Variants in DOT1L observed in about 807,000 individuals in gnomAD.
DOT1L encodes the protein histone-lysine N-methyltransferase, H3 lysine-79 specific.
Under a neutral mutation model 153.3 loss-of-function variants are expected in DOT1L, and 33 were observed. That is an observed-to-expected ratio of 0.22 (90% confidence interval 0.16 to 0.29). DOT1L has a LOEUF of 0.29. Among genes scored for constraint, DOT1L ranks in the 10% least tolerant of loss-of-function variants. The pLI is 1.00. For synonymous variants in DOT1L, 1,135 were observed against 965.1 expected (o/e 1.18, Z -3.26); for missense variants, 1,847 against 2,119.9 (o/e 0.87, Z 2.53).
At position 2,208,911 on chromosome 19, in the gene DOT1L, C is replaced by T; in HGVS notation, c.964-24C>T. The T allele has an allele frequency of 6.2e-7, 1 of 1,610,758 alleles. No individual in the cohort carries two copies. The highest frequency in any genetic ancestry group is 8.5e-7 in the Non-Finnish European group (1 of 1,178,496). On this transcript the variant is annotated intron_variant, in intron 11 of 27. Transcript: ENST00000398665. The surrounding 1 kb of genome is among the most constrained non-coding windows in gnomAD (Gnocchi z 4.4). ...ACAGAGATTGGGACTCCCTTCTAAT[C>T]AGGGTTCTCTTTCTTCTTTTTAGCT...
At chr19:2,194,685 A>ATGGCTGTTGGCACG in intron 7 of DOT1L, 108 bp downstream of exon 7, 1 of 1,271,362 alleles carries the variant, frequency 7.9e-7, no homozygotes, top group Non-Finnish European at 1.1e-6. Context: ...CTGTTGGCAC[A>ATGGCTGTTGGCACG]TGGTGTGCCC....
Position 2,223,379 on chromosome 19 carries a change from C to G in DOT1L, c.3489C>G (p.Pro1163=), listed in dbSNP as rs200817476. ...SPVPYQDHDQ[P]PVLKKERPLS... Reference sequence around the variant, plus strand: ...TGCCCTACCAGGACCACGACCAGCCCCCCGTGCTCAAGAAGGAGCGGCCTC... The same window carrying G: ...TGCCCTACCAGGACCACGACCAGCCGCCCGTGCTCAAGAAGGAGCGGCCTC... The change falls in exon 25 of 28, where the codon CCC becomes CCG. Residue 1163 remains proline (P), a synonymous_variant. Coordinates refer to ENST00000398665, the MANE Select transcript of DOT1L (RefSeq NM_032482.3). 6 of 1,613,710 alleles carry G rather than the reference C, an allele frequency of 3.7e-6. No individual in the cohort carries two copies. The highest frequency in any genetic ancestry group is 5.1e-6 in the Non-Finnish European group (6 of 1,180,004).
rs1233346243 is a variant in DOT1L, at chr19:2,223,603, C to T, written c.3596+117C>T. 1.1e-5 allele frequency: 13 copies of T among 1,155,928 alleles called. No individual in the cohort carries two copies. In the South Asian group the frequency reaches 1.4e-4, roughly 13 times the overall value. The allele number at this position is 1,155,928 out of a possible 1,614,324, so 71.6% of individuals were successfully genotyped here. ...GACCGGCAGGCTCTTAGGGGGTGCC[C>T]TGGATGGGAGGAAGGCGTCTGTTTT... On this transcript the variant is annotated intron_variant, in intron 25 of 27. Transcript: ENST00000398665.
intron 22 of DOT1L, among the ~76,000 whole-genome samples, chr19:2,218,351 G>A (rs774410692): frequency 6.6e-6 from 1 of 152,184 alleles, no homozygotes; most frequent in Admixed American, 6.5e-5. Flanking sequence ...AAAATTGTGC[G>A]CTTCAAGTAT....
intron 25 of DOT1L, among the ~76,000 whole-genome samples, chr19:2,223,987 A>T (rs2144916435): frequency 6.6e-6 from 1 of 152,112 alleles, no homozygotes; most frequent in East Asian, 1.9e-4. Flanking sequence ...TCCTCCCAAG[A>T]GCCCCTGGCA....
intron 1 of DOT1L, among the ~76,000 whole-genome samples, chr19:2,169,779 T>A (rs1382792505): frequency 1.3e-5 from 2 of 152,176 alleles, no homozygotes; most frequent in Non-Finnish European, 2.9e-5. Flanking sequence ...ATGCTCCACT[T>A]ATATTAATTT....
At chr19:2,173,674 C>T (rs545177201) in intron 1 of DOT1L, among the ~76,000 whole-genome samples, 5 of 152,356 alleles carry the variant, frequency 3.3e-5, no homozygotes, top group Non-Finnish European at 7.3e-5. Context: ...GGCACGGGTT[C>T]TGCGGGCTGC....
chr19:2,229,707 C>T (rs1205977856), intron 27 of DOT1L, 78 bp from the exon 28 acceptor site: 23 of 1,609,512 alleles, frequency 1.4e-5, no homozygotes, highest in African/African-American at 2.7e-5. Flanking sequence ...GGCCTCGGTC[C>T]CCAGCCTGGG....
chr19:2,230,785 CCCCAG>C lies in DOT1L; in HGVS notation c.*995_*999del. On this transcript the variant is annotated 3_prime_UTR_variant, in exon 28 of 28. Transcript: ENST00000398665. The stretch of plus-strand genomic sequence containing the variant: ...TTTATTCAAACAGTGCACAAAATGG[CCCCAG>C]CGTCAGCCCCGACCCTAGACCCCTC... 2.6e-6 allele frequency: 1 copy of C among 391,016 alleles called. No individual in the cohort carries two copies. The highest frequency in any genetic ancestry group is 4.5e-6 in the Non-Finnish European group (1 of 221,700). 24.2% of individuals were successfully genotyped at this position (391,016 alleles called of 1,614,324 possible).
At position 2,197,986 on chromosome 19, in the gene DOT1L, A is replaced by C. The variant is rs1246319665; in HGVS notation, c.652-1898A>C. On this transcript the variant is annotated intron_variant, in intron 7 of 27. Transcript: ENST00000398665. The surrounding 1 kb of genome is among the most constrained non-coding windows in gnomAD (Gnocchi z 4.1). Reference sequence around the variant, plus strand: ...GGGAGGCTCCAAGTCCTCCCGCCTGAGCAGTGTCACCAGGGAGGCTCCTAG... The same window carrying C: ...GGGAGGCTCCAAGTCCTCCCGCCTGCGCAGTGTCACCAGGGAGGCTCCTAG... 6.6e-6 allele frequency among the ~76,000 whole-genome samples: 1 copy of C among 152,172 alleles called. No individual in the cohort carries two copies. The highest frequency in any genetic ancestry group is 1.5e-5 in the Non-Finnish European group (1 of 68,040).
intron 27 of DOT1L, chr19:2,229,423 T>C (rs1285942756): frequency 1.0e-6 from 1 of 985,346 alleles, no homozygotes; most frequent in African/African-American, 1.7e-5. Context: ...AGGCGGAGGC[T>C]GTGGCCAGGG....
chr19:2,217,693 C>A lies in DOT1L; in HGVS notation c.2545-79C>A. 1 of 1,526,136 alleles carries A rather than the reference C, an allele frequency of 6.6e-7. No individual in the cohort carries two copies. Among genetic ancestry groups the A allele is most frequent in the Non-Finnish European group, 8.8e-7 (1 of 1,133,104 alleles). 94.5% of individuals were successfully genotyped at this position (1,526,136 alleles called of 1,614,324 possible). ...GCCGCCTTGAGAGAGCTGTAGCAGG[C>A]CCCCGTCCTGTGGCTGTGGTCCCTG... is the stretch of plus-strand genomic sequence containing the variant. On this transcript the variant is annotated intron_variant, in intron 21 of 27. Transcript: ENST00000398665. This position sits in a 1 kb window ranked among gnomAD's most constrained non-coding sequence, Gnocchi z 7.3.
At chr19:2,219,016 C>T (rs1427755439) in intron 22 of DOT1L, among the ~76,000 whole-genome samples, 1 of 152,216 alleles carries the variant, frequency 6.6e-6, no homozygotes, top group Non-Finnish European at 1.5e-5. Context: ...GGATTACAGG[C>T]ATGCACCACT....
chr19:2,208,868 G>A lies in DOT1L; in HGVS notation c.964-67G>A, dbSNP rs1245352158. 6.5e-7 allele frequency: 1 copy of A among 1,536,490 alleles called. No individual in the cohort carries two copies. The highest frequency in any genetic ancestry group is 2.3e-5 in the East Asian group (1 of 43,734). On this transcript the variant is annotated intron_variant, in intron 11 of 27. Transcript: ENST00000398665. This position sits in a 1 kb window ranked among gnomAD's most constrained non-coding sequence, Gnocchi z 4.4. The stretch of plus-strand genomic sequence containing the variant: ...TGTCCAGGTTGCTGTTGTTACCTGG[G>A]TGTCCAGACAAATCCGAACAGAGAT...
At chr19:2,212,056 G>C in intron 16 of DOT1L, 6 of 548,046 alleles carry the variant, frequency 1.1e-5, no homozygotes, top group Non-Finnish European at 1.9e-5. Context: ...TTTTAATCAT[G>C]GTTTTGCAAG....
Position 2,207,595 on chromosome 19 carries a change from T to C in DOT1L, c.878T>C (p.Val293Ala). 1 of 1,611,674 alleles carries C rather than the reference T, an allele frequency of 6.2e-7. No individual in the cohort carries two copies. The highest frequency in any genetic ancestry group is 8.5e-7 in the Non-Finnish European group (1 of 1,179,662). The stretch of plus-strand genomic sequence containing the variant: ...GCAGACATCGGCACCATCATGCGCG[T>C]GGTGGAGCTCTCGCCCCTGAAGGGC... ...NLSDIGTIMR[V>A]VELSPLKGSV... is the part of the protein sequence containing the mutation. Residue 293 changes from valine (V) to alanine (A), a missense_variant, in exon 11 of 28, where the codon GTG (valine) becomes GCG (alanine). This residue lies in a region of DOT1L where 148 missense variants were observed against 422.3 expected (regional missense o/e 0.35). Transcript: ENST00000398665. The surrounding 1 kb of genome is among the most constrained non-coding windows in gnomAD (Gnocchi z 4.5).
rs1599596036 is a variant in DOT1L, at chr19:2,212,033, G to A, written c.1557+191G>A. 4 of 578,442 alleles carry A rather than the reference G, an allele frequency of 6.9e-6. No individual in the cohort carries two copies. In the East Asian group the frequency reaches 1.2e-4, roughly 17 times the overall value. 35.8% of individuals were successfully genotyped at this position (578,442 alleles called of 1,614,324 possible). ...AATGGACTGAGAGACCCGGAAAACA[G>A]CGAAAATGAGACTTTTAATCATGGT... On this transcript the variant is annotated intron_variant, in intron 16 of 27. Coordinates refer to ENST00000398665, the MANE Select transcript of DOT1L (RefSeq NM_032482.3).
intron 2 of DOT1L, among the ~76,000 whole-genome samples, chr19:2,182,837 G>A (rs1568334025): frequency 6.6e-6 from 1 of 152,174 alleles, no homozygotes; most frequent in Non-Finnish European, 1.5e-5. Context: ...CCTTCTGCAG[G>A]GCTCGGAGCT....
chr19:2,218,548 C>A (rs1424583309), intron 22 of DOT1L, among the ~76,000 whole-genome samples: 1 of 150,864 alleles, frequency 6.6e-6, no homozygotes, highest in African/African-American at 2.4e-5. Flanking sequence ...CGCCCGCCAC[C>A]ACGCCTGGCT....
Sources: gnomAD v4.1 joint callset for allele counts (sites outside exome capture counted in the v4.1 genomes callset) on GRCh38, gnomAD v4.1.1 for gene constraint, gnomAD v4.1.1 regional missense constraint, Gnocchi (gnomAD v3.1) non-coding constraint, MANE v1.5 for transcripts, NCBI Gene and HGNC (gene_info 2026-07-23, HGNC 2026-07-21) for gene names.